Variants in CEP120 observed in about 807,000 individuals in gnomAD.
The protein encoded by CEP120 is centrosomal protein of 120 kDa.
Under a neutral mutation model 126.5 loss-of-function variants are expected in CEP120, and 113 were observed. The ratio of observed to expected loss-of-function variants is 0.89; its 90% confidence interval spans 0.77 to 1.04. The LOEUF (loss-of-function observed/expected upper bound fraction) is 1.04. Ranked by LOEUF, CEP120 falls within the 50% of genes least tolerant of loss-of-function variation. The pLI, the probability that CEP120 is intolerant of heterozygous loss-of-function variation, is 0.00. For synonymous variants in CEP120, 400 were observed against 394.3 expected (o/e 1.01, Z -0.17); for missense variants, 1,230 against 1,155.7 (o/e 1.06, Z -0.93).
At chr5:123,383,218 G>C in intron 11 of CEP120, 136 bp from the exon 12 acceptor site, 2 of 574,640 alleles carry the variant, frequency 3.5e-6, no homozygotes, top group Non-Finnish European at 6.2e-6. Flanking sequence ...TGAAACTGCA[G>C]CAACTTCTGT....
At position 123,409,297 on chromosome 5, in the gene CEP120, A is replaced by G. The variant is rs190577006; in HGVS notation, c.463+3102T>C. ...AAACTTCCTCAACTTAATAAAGAAT[A>G]TATAAAAACCTACAGCTAACATTAT... On this transcript the variant is annotated intron_variant, in intron 4 of 19. Coordinates refer to ENST00000306467, the MANE Select transcript of CEP120 (RefSeq NM_001375405.1). 1.6e-3 allele frequency among the ~76,000 whole-genome samples: 238 copies of G among 152,334 alleles called. 1 individual carries two copies. The highest frequency in any genetic ancestry group is 6.6e-4 in the Non-Finnish European group (45 of 68,024).
At chr5:123,356,898 T>G (rs762109906) in intron 18 of CEP120, among the ~76,000 whole-genome samples, 2 of 152,128 alleles carry the variant, frequency 1.3e-5, no homozygotes, top group Non-Finnish European at 2.9e-5. Flanking sequence ...CATTGTTCTT[T>G]ACTTTTCTGC....
chr5:123,403,776 C>A, intron 4 of CEP120: 2 of 387,700 alleles, frequency 5.2e-6, no homozygotes, highest in Non-Finnish European at 5.0e-6. Flanking sequence ...TAAAATCAGA[C>A]AAACTCAAGT....
intron 19 of CEP120, among the ~76,000 whole-genome samples, chr5:123,349,284 A>C (rs1258143513): frequency 3.3e-5 from 5 of 152,138 alleles, no homozygotes; most frequent in African/African-American, 1.2e-4. Flanking sequence ...CTCTGTCTTT[A>C]ATCTTCAATC....
chr5:123,400,069 T>C (rs959319536), intron 4 of CEP120, among the ~76,000 whole-genome samples: 3 of 152,206 alleles, frequency 2.0e-5, no homozygotes, highest in Admixed American at 6.5e-5. Context: ...TAGAGGGTGA[T>C]ATATCAGGGC....
At chr5:123,349,140 A>G (rs1206427945) in intron 19 of CEP120, among the ~76,000 whole-genome samples, 2 of 152,154 alleles carry the variant, frequency 1.3e-5, no homozygotes, top group Non-Finnish European at 2.9e-5. Flanking sequence ...GAAACACTTG[A>G]AGTTGTGATT....
intron 9 of CEP120, among the ~76,000 whole-genome samples, chr5:123,386,913 G>A (rs920307994): frequency 6.6e-6 from 1 of 152,028 alleles, no homozygotes; most frequent in African/African-American, 2.4e-5. Context: ...AAATATTCAA[G>A]AAATGCTTCC....
intron 18 of CEP120, among the ~76,000 whole-genome samples, chr5:123,362,152 A>C (rs1355698863): frequency 6.6e-6 from 1 of 151,714 alleles, no homozygotes; most frequent in African/African-American, 2.4e-5. Context: ...CATGCACTTA[A>C]ATATCTTGGC....
At chr5:123,422,879 G>A in intron 1 of CEP120, 71 bp downstream of exon 1, 1 of 1,371,996 alleles carries the variant, frequency 7.3e-7, no homozygotes, top group South Asian at 1.2e-5. Context: ...GGTTAACAAG[G>A]CCTCGGTCCC....
intron 17 of CEP120, among the ~76,000 whole-genome samples, chr5:123,369,514 G>A (rs1770701723): frequency 6.6e-6 from 1 of 151,912 alleles, no homozygotes; most frequent in Non-Finnish European, 1.5e-5. Context: ...ACCTCATCTT[G>A]TACATTCTCC....
chr5:123,367,716 A>G (rs1770564948), intron 17 of CEP120, among the ~76,000 whole-genome samples: 1 of 152,014 alleles, frequency 6.6e-6, no homozygotes, highest in Non-Finnish European at 1.5e-5. Flanking sequence ...AAAAGAATCA[A>G]CAATTACAGT....
chr5:123,420,625 T>C (rs1464259424), intron 1 of CEP120, among the ~76,000 whole-genome samples: 1 of 152,174 alleles, frequency 6.6e-6, no homozygotes, highest in African/African-American at 2.4e-5. Flanking sequence ...TGAAGGACTT[T>C]AAGAAAATCA....
At chr5:123,364,173 T>G (rs1333644586) in intron 18 of CEP120, among the ~76,000 whole-genome samples, 2 of 151,538 alleles carry the variant, frequency 1.3e-5, no homozygotes, top group African/African-American at 4.8e-5. Context: ...AATTTCATCC[T>G]AAAAAGCACT....
At chr5:123,356,723 TCA>T (rs553718475) in intron 18 of CEP120, among the ~76,000 whole-genome samples, 14 of 152,222 alleles carry the variant, frequency 9.2e-5, no homozygotes, top group Middle Eastern at 6.8e-3. Context: ...CCTTTCAACT[TCA>T]GATAATGCAA....
At chr5:123,391,672 C>T (rs2127072304) in intron 6 of CEP120, among the ~76,000 whole-genome samples, 1 of 151,462 alleles carries the variant, frequency 6.6e-6, no homozygotes, top group South Asian at 2.1e-4. Flanking sequence ...TGAATTTAAA[C>T]AAAAAAAACA....
At position 123,416,048 on chromosome 5, in the gene CEP120, T is replaced by C. The variant is rs980082330; in HGVS notation, c.283A>G (p.Ile95Val). ...VTSAKETIGYIVLDLRTAQET... is the reference protein window; with the variant it reads ...VTSAKETIGYVVLDLRTAQET... Reference sequence around the variant, plus strand: ...TGAGCGGTTCTTAAATCCAGAACGATGTAACCTATGGTTTCCTTGGCTGAA... The same window carrying C: ...TGAGCGGTTCTTAAATCCAGAACGACGTAACCTATGGTTTCCTTGGCTGAA... Residue 95 changes from isoleucine to valine, a missense_variant, in exon 3 of 20, where the codon ATC becomes GTC. Transcript: ENST00000306467. 6 of 1,613,980 alleles carry C rather than the reference T, an allele frequency of 3.7e-6. No individual in the cohort carries two copies. The African/African-American group carries it at 4.0e-5, about 11-fold the overall frequency.
intron 18 of CEP120, among the ~76,000 whole-genome samples, chr5:123,352,987 C>A (rs374088037): frequency 3.3e-5 from 5 of 152,014 alleles, no homozygotes; most frequent in African/African-American, 1.2e-4. Flanking sequence ...AGCAAACTTG[C>A]TAAACTCACT....
chr5:123,377,042 A>G (rs1466455263), intron 16 of CEP120, among the ~76,000 whole-genome samples: 1 of 152,158 alleles, frequency 6.6e-6, no homozygotes, highest in African/African-American at 2.4e-5. Context: ...AAATAGGAAC[A>G]GAGACAATTC....
intron 19 of CEP120, among the ~76,000 whole-genome samples, chr5:123,348,843 C>T (rs1189497867): frequency 6.6e-6 from 1 of 152,054 alleles, no homozygotes. Flanking sequence ...GAAGAGACAC[C>T]AGAGAGAGGA....
Sources: allele counts gnomAD v4.1 joint callset (sites outside exome capture counted in the v4.1 genomes callset), GRCh38; gene constraint gnomAD v4.1.1; transcripts MANE v1.5; gene names NCBI Gene and HGNC (gene_info 2026-07-23, HGNC 2026-07-21).